Variants in THRB observed in about 807,000 individuals in gnomAD.
THRB encodes thyroid hormone receptor beta.
A neutral mutation model predicts 47.8 loss-of-function variants in THRB; 12 were observed. The observed-to-expected ratio is 0.25, with a 90% CI of 0.16 to 0.41. The LOEUF is 0.41. Ranked by LOEUF, THRB falls within the 10% of genes least tolerant of loss-of-function variation. The pLI, the probability that THRB is intolerant of heterozygous loss-of-function variation, is 1.00. For missense variants in THRB, 348 were observed against 589.2 expected (o/e 0.59, Z 4.24); for synonymous variants, 218 against 212.2 (o/e 1.03, Z -0.24).
intron 4 of THRB, among the ~76,000 whole-genome samples, chr3:24,213,995 C>T (rs1324687212): frequency 1.3e-5 from 2 of 152,200 alleles, no homozygotes; most frequent in Admixed American, 6.5e-5. Flanking sequence ...TCACTACCTA[C>T]CTTCTAGACA....
chr3:24,481,327 G>C (rs1006914523), intron 1 of THRB, among the ~76,000 whole-genome samples: 5 of 147,678 alleles, frequency 3.4e-5, no homozygotes, highest in Non-Finnish European at 7.4e-5. Flanking sequence ...CAGGACAGCA[G>C]GGCCTTGTAA....
chr3:24,305,924 G>T (rs2057304595), intron 2 of THRB, among the ~76,000 whole-genome samples: 1 of 152,060 alleles, frequency 6.6e-6, no homozygotes, highest in African/African-American at 2.4e-5. Context: ...CCAAGACTGG[G>T]CTGACTCCCA....
chr3:24,240,231 G>A (rs575933679), intron 3 of THRB, among the ~76,000 whole-genome samples: 86 of 152,226 alleles, frequency 5.6e-4, no homozygotes, highest in African/African-American at 1.4e-3. Context: ...CAAGTGAGTC[G>A]GCCTGGCTTA....
At chr3:24,280,970 C>G (rs1218997712) in intron 3 of THRB, among the ~76,000 whole-genome samples, 2 of 152,116 alleles carry the variant, frequency 1.3e-5, no homozygotes, top group Non-Finnish European at 2.9e-5. Context: ...ATTGGTGTAC[C>G]TGAAAGTGAT....
At chr3:24,438,056 T>C (rs1400469981) in intron 1 of THRB, among the ~76,000 whole-genome samples, 3 of 148,708 alleles carry the variant, frequency 2.0e-5, no homozygotes, top group Non-Finnish European at 4.4e-5. Flanking sequence ...TTGGTCTTCA[T>C]GAGACTGACA....
At chr3:24,198,335 TCA>T (rs2044205147) in intron 4 of THRB, among the ~76,000 whole-genome samples, 1 of 151,958 alleles carries the variant, frequency 6.6e-6, no homozygotes. Context: ...TTATAGGACC[TCA>T]CAGTGTTGGT....
intron 1 of THRB, among the ~76,000 whole-genome samples, chr3:24,393,300 A>G (rs77172504): frequency 0.063 from 9,529 of 152,206 alleles, 458 homozygotes; most frequent in African/African-American, 0.13. Context: ...TCACTCAAAG[A>G]ACCATGCCAG....
intron 3 of THRB, among the ~76,000 whole-genome samples, chr3:24,248,634 G>C (rs535484235): frequency 6.6e-6 from 1 of 152,302 alleles, no homozygotes; most frequent in South Asian, 2.1e-4. Flanking sequence ...TGAGGAGAAG[G>C]AACTTCCTTT....
chr3:24,170,053 C>T (rs540405821), intron 5 of THRB, among the ~76,000 whole-genome samples: 5 of 152,230 alleles, frequency 3.3e-5, no homozygotes, highest in African/African-American at 1.2e-4. Flanking sequence ...GCAGATGTCA[C>T]CTCTGAAACC....
intron 5 of THRB, among the ~76,000 whole-genome samples, chr3:24,160,810 G>A (rs749185564): frequency 6.6e-6 from 1 of 152,210 alleles, no homozygotes; most frequent in Non-Finnish European, 1.5e-5. Flanking sequence ...TATCCATGGA[G>A]GCATGTGAGG....
chr3:24,179,933 C>T (rs898393732), intron 5 of THRB, among the ~76,000 whole-genome samples: 8 of 152,100 alleles, frequency 5.3e-5, no homozygotes, highest in Non-Finnish European at 1.2e-4. Flanking sequence ...ATGAGCATGT[C>T]GTGTGTAAGA....
At chr3:24,400,142 T>C (rs1051626242) in intron 1 of THRB, among the ~76,000 whole-genome samples, 6 of 152,090 alleles carry the variant, frequency 3.9e-5, no homozygotes, top group Non-Finnish European at 7.4e-5. Flanking sequence ...TATTAGTGGA[T>C]AGGCAACACG....
rs1445884251 is a variant in THRB at position 24,354,031 on chromosome 3, T to C, written c.-260-16660A>G. Among the ~76,000 whole-genome samples the C allele has an allele frequency of 2.0e-5, 3 of 152,192 alleles. No homozygotes were observed. In the East Asian group the frequency reaches 5.8e-4, roughly 29 times the overall value. On this transcript the variant is annotated intron_variant, in intron 1 of 10. Coordinates refer to ENST00000646209, the MANE Select transcript of THRB (RefSeq NM_001354712.2). ...TGGGGTATATGTGCCACATTTTCTT[T>C]ATCCAGTCTATCACTGATGGACATT...
chr3:24,295,815 G>A (rs181435608), intron 3 of THRB, among the ~76,000 whole-genome samples: 109 of 152,264 alleles, frequency 7.2e-4, no homozygotes, highest in Non-Finnish European at 1.1e-3. Context: ...TTCCCTATCT[G>A]TAAAGCGATG....
chr3:24,257,969 A>C (rs2150442543), intron 3 of THRB, among the ~76,000 whole-genome samples: 1 of 152,368 alleles, frequency 6.6e-6, no homozygotes, highest in East Asian at 1.9e-4. Context: ...TAGTGAGTGC[A>C]TGAACAATAA....
intron 6 of THRB, among the ~76,000 whole-genome samples, chr3:24,148,910 A>C (rs1425189928): frequency 6.6e-6 from 1 of 152,200 alleles, no homozygotes; most frequent in Non-Finnish European, 1.5e-5. Context: ...AAAACTGTCA[A>C]TATTATATTT....
chr3:24,461,385 C>G (rs573992975), intron 1 of THRB, among the ~76,000 whole-genome samples: 29 of 152,156 alleles, frequency 1.9e-4, no homozygotes, highest in Non-Finnish European at 3.8e-4. Flanking sequence ...TGGTACATAG[C>G]TGGTATACTG....
chr3:24,252,736 A>G (rs2050789104), intron 3 of THRB, among the ~76,000 whole-genome samples: 1 of 152,130 alleles, frequency 6.6e-6, no homozygotes. Context: ...TAAAAAAAGA[A>G]TAAGAGAACA....
chr3:24,217,128 G>T (rs1306596807), intron 4 of THRB, among the ~76,000 whole-genome samples: 1 of 149,952 alleles, frequency 6.7e-6, no homozygotes, highest in African/African-American at 2.4e-5. Context: ...ATTAATATAA[G>T]AATGTAATCC....
Sources: allele counts gnomAD v4.1 joint callset (sites outside exome capture counted in the v4.1 genomes callset), GRCh38; gene constraint gnomAD v4.1.1; transcripts MANE v1.5; gene names NCBI Gene and HGNC (gene_info 2026-07-23, HGNC 2026-07-21).